STAG1: variants seen among roughly 807,000 people sequenced by gnomAD.
The protein encoded by STAG1 is cohesin subunit SA-1.
Under a neutral mutation model 170.9 loss-of-function variants are expected in STAG1, and 26 were observed. The ratio of observed to expected loss-of-function variants is 0.15; its 90% CI spans 0.11 to 0.21. The LOEUF (loss-of-function observed/expected upper bound fraction) is 0.21. Ranked by LOEUF, STAG1 falls within the 10% of genes least tolerant of loss-of-function variation. The pLI is 1.00. For synonymous variants in STAG1, 514 were observed against 497.7 expected (o/e 1.03, Z -0.44); for missense variants, 964 against 1,509.5 (o/e 0.64, Z 5.99).
chr3:136,597,931 T>A (rs1663255093), intron 4 of STAG1, among the ~76,000 whole-genome samples: 1 of 152,152 alleles, frequency 6.6e-6, no homozygotes, highest in Admixed American at 6.5e-5. Flanking sequence ...AGATAACCTT[T>A]ACAAGCTAAG....
At chr3:136,747,569 G>T (rs1339695668) in intron 1 of STAG1, among the ~76,000 whole-genome samples, 2 of 151,818 alleles carry the variant, frequency 1.3e-5, no homozygotes, top group Non-Finnish European at 2.9e-5. Flanking sequence ...TGCACCTGTA[G>T]TCCCAGCTAC....
intron 3 of STAG1, among the ~76,000 whole-genome samples, chr3:136,621,453 A>G (rs949517894): frequency 1.3e-5 from 2 of 152,198 alleles, no homozygotes; most frequent in African/African-American, 4.8e-5. Context: ...TCTCAGAAAA[A>G]TCACATGGTA....
intron 1 of STAG1, among the ~76,000 whole-genome samples, chr3:136,732,964 C>CTA (rs1934126468): frequency 6.6e-6 from 1 of 152,040 alleles, no homozygotes; most frequent in African/African-American, 2.4e-5. Context: ...AACCAATTAA[C>CTA]TAAAATTCTT....
intron 13 of STAG1, among the ~76,000 whole-genome samples, chr3:136,452,525 C>T (rs113218088): frequency 4.6e-5 from 7 of 150,958 alleles, no homozygotes; most frequent in African/African-American, 1.5e-4. Flanking sequence ...GATTGCACAA[C>T]TGCACTCCAG....
intron 22 of STAG1, among the ~76,000 whole-genome samples, chr3:136,396,659 C>T (rs1360462427): frequency 6.7e-6 from 1 of 150,358 alleles, no homozygotes; most frequent in African/African-American, 2.5e-5. Flanking sequence ...TCCCAAGCAG[C>T]TGGGACTACA....
At chr3:136,523,544 T>C (rs1002895705) in intron 6 of STAG1, among the ~76,000 whole-genome samples, 3 of 152,230 alleles carry the variant, frequency 2.0e-5, no homozygotes, top group Non-Finnish European at 2.9e-5. Context: ...TTCTGTAGGT[T>C]ACCTGTTCAC....
chr3:136,392,978 AAT>A (rs1311735469), intron 22 of STAG1, among the ~76,000 whole-genome samples: 3 of 152,110 alleles, frequency 2.0e-5, no homozygotes, highest in Admixed American at 1.3e-4. Context: ...TATTAATAAA[AAT>A]ATGTGACCTC....
chr3:136,682,034 C>A (rs1001276962), intron 1 of STAG1, among the ~76,000 whole-genome samples: 4 of 151,796 alleles, frequency 2.6e-5, no homozygotes, highest in Admixed American at 2.6e-4. Context: ...AACAACTAGG[C>A]AGGAAAATGA....
intron 1 of STAG1, among the ~76,000 whole-genome samples, chr3:136,676,195 G>C (rs1942124593): frequency 6.6e-6 from 1 of 152,190 alleles, no homozygotes; most frequent in African/African-American, 2.4e-5. Flanking sequence ...ACTGTAAGTT[G>C]CTCTAGGTGA....
intron 3 of STAG1, among the ~76,000 whole-genome samples, chr3:136,621,596 C>A (rs965557556): frequency 1.2e-4 from 18 of 152,174 alleles, no homozygotes; most frequent in Non-Finnish European, 2.9e-5. Flanking sequence ...TACTATACTG[C>A]ATGTCTTCCC....
At chr3:136,717,682 G>A (rs1224914182) in intron 1 of STAG1, among the ~76,000 whole-genome samples, 4 of 151,884 alleles carry the variant, frequency 2.6e-5, no homozygotes, top group Non-Finnish European at 4.4e-5. Context: ...TAATTAATAC[G>A]GAAAAAAATT....
chr3:136,739,462 G>A (rs1451720332), intron 1 of STAG1, among the ~76,000 whole-genome samples: 1 of 133,220 alleles, frequency 7.5e-6, no homozygotes, highest in African/African-American at 2.8e-5. Flanking sequence ...AGTGAGCCGT[G>A]ATCACGTCAC....
intron 1 of STAG1, chr3:136,736,841 G>A (rs879791099): frequency 4.8e-5 from 76 of 1,581,758 alleles, no homozygotes; most frequent in South Asian, 1.0e-4. Context: ...TGTTTTTTTC[G>A]CTCTTTCACA....
chr3:136,526,111 T>C (rs1268038720), intron 6 of STAG1, among the ~76,000 whole-genome samples: 1 of 152,232 alleles, frequency 6.6e-6, no homozygotes, highest in African/African-American at 2.4e-5. Flanking sequence ...GTCTATTAAT[T>C]CTGCTTGGTG....
At chr3:136,453,608 A>G (rs2089013772) in intron 13 of STAG1, among the ~76,000 whole-genome samples, 1 of 151,246 alleles carries the variant, frequency 6.6e-6, no homozygotes, top group Admixed American at 6.6e-5. Context: ...AAAAAAAAAA[A>G]TTGCTAAAGG....
intron 7 of STAG1, among the ~76,000 whole-genome samples, chr3:136,507,794 T>C (rs1272670840): frequency 1.3e-5 from 2 of 152,150 alleles, no homozygotes; most frequent in African/African-American, 4.8e-5. Flanking sequence ...AAAAAACCTG[T>C]CTGAAGATTG....
At position 136,472,496 on chromosome 3, in the gene STAG1, A is replaced by AG. The variant is rs2089650773; in HGVS notation, c.1126-5dup. On this transcript the variant is annotated splice_polypyrimidine_tract_variant and splice_region_variant and intron_variant, in intron 11 of 33. Coordinates refer to ENST00000383202, the MANE Select transcript of STAG1 (RefSeq NM_005862.3). ...GTGTCATTGATACAATGCGATCCTG[A>AG]GAAAAAAAAGTTGTAAAACAAACCA... 1 of 1,610,308 alleles carries AG rather than the reference A, an allele frequency of 6.2e-7. No individual in the cohort carries two copies. Among genetic ancestry groups the AG allele is most frequent in the Non-Finnish European group, 8.5e-7 (1 of 1,178,100 alleles).
At chr3:136,564,113 T>A (rs577222385) in intron 5 of STAG1, among the ~76,000 whole-genome samples, 1 of 152,328 alleles carries the variant, frequency 6.6e-6, no homozygotes, top group Admixed American at 6.5e-5. Context: ...CATGTGGCTA[T>A]CCTATAGTTC....
In STAG1 at chr3:136,351,181, ATT is replaced by A. The variant is rs147731696; in HGVS notation, c.3066-1820_3066-1819del. Among the ~76,000 whole-genome samples, 4 of 144,488 alleles carry A rather than the reference ATT, an allele frequency of 2.8e-5. No homozygotes were observed. The East Asian group carries it at 6.0e-4, about 22-fold the overall frequency. 94.8% of individuals were successfully genotyped at this position (144,488 alleles called of 152,430 possible). A position where few individuals can be genotyped will look rare whatever the true frequency, so the allele number is the denominator to read the frequency against. ...GCCTACCAAATCCTCCACTGTGCTT[ATT>A]TTTTTTTTTTCATCACAGCATTGGA... On this transcript the variant is annotated intron_variant, in intron 28 of 33. Coordinates refer to ENST00000383202, the MANE Select transcript of STAG1 (RefSeq NM_005862.3).
Sources: allele counts gnomAD v4.1 joint callset (sites outside exome capture counted in the v4.1 genomes callset), GRCh38; gene constraint gnomAD v4.1.1; transcripts MANE v1.5; gene names NCBI Gene and HGNC (gene_info 2026-07-23, HGNC 2026-07-21).